The following ADGRB3 variants were observed in gnomAD, a reference collection of about 807,000 sequenced individuals.
The protein encoded by ADGRB3 is brain-specific angiogenesis inhibitor 3.
ADGRB3 carries 37 observed loss-of-function variants against 193.4 expected under a neutral mutation model. The observed-to-expected ratio is 0.19, with a 90% CI of 0.15 to 0.25. The LOEUF (loss-of-function observed/expected upper bound fraction) is 0.25, where lower values mean the gene tolerates loss of function less well. Among genes scored for constraint, ADGRB3 ranks in the 10% least tolerant of loss-of-function variants. ADGRB3 has a pLI of 1.00. For missense variants in ADGRB3, 1,637 were observed against 1,852.9 expected (o/e 0.88, Z 2.14); for synonymous variants, 690 against 644.2 (o/e 1.07, Z -1.08).
At chr6:69,076,996 G>A (rs1208211142) in intron 17 of ADGRB3, among the ~76,000 whole-genome samples, 1 of 151,748 alleles carries the variant, frequency 6.6e-6, no homozygotes, top group African/African-American at 2.4e-5. Flanking sequence ...TTGAAACCTC[G>A]GACAATTTTC....
chr6:68,783,630 G>C lies in ADGRB3; in HGVS notation c.757+144198G>C, dbSNP rs1766903396. ...ATCTGTTGGAGGGATAGTATGGGAG[G>C]GGGAATTTTCATAAGAGAAAAGCCT... On this transcript the variant is annotated intron_variant, in intron 3 of 31. Coordinates refer to ENST00000370598, the MANE Select transcript of ADGRB3 (RefSeq NM_001704.3). Among the ~76,000 whole-genome samples the C allele has an allele frequency of 2.6e-5, 4 of 151,360 alleles. 1 individual carries two copies. In the South Asian group the frequency reaches 8.4e-4, roughly 32 times the overall value.
intron 3 of ADGRB3, among the ~76,000 whole-genome samples, chr6:68,816,824 C>T (rs1767639046): frequency 6.6e-6 from 1 of 152,028 alleles, no homozygotes; most frequent in South Asian, 2.1e-4. Context: ...AATCTTTGTG[C>T]TTTTAAAATT....
chr6:69,380,632 T>A (rs576876667), intron 30 of ADGRB3, among the ~76,000 whole-genome samples: 1 of 152,108 alleles, frequency 6.6e-6, no homozygotes, highest in South Asian at 2.1e-4. Context: ...GAATTTCAAA[T>A]TAAATATGAA....
In ADGRB3 at chr6:68,826,358, G is replaced by C. The variant is rs80211247; in HGVS notation, c.758-104201G>C. ...TGAAGAAGGTGACCAGTGAAGTTGT[G>C]TGGAAGCTGGGAACAGTAAAAACAA... On this transcript the variant is annotated intron_variant, in intron 3 of 31. Coordinates refer to ENST00000370598, the MANE Select transcript of ADGRB3 (RefSeq NM_001704.3). Among the ~76,000 whole-genome samples, 43 of 152,286 alleles carry C rather than the reference G, an allele frequency of 2.8e-4. No individual in the cohort carries two copies. The East Asian group carries it at 7.9e-3, about 28-fold the overall frequency.
At position 69,355,923 on chromosome 6, in the gene ADGRB3, A is replaced by C. The variant is rs1312055103; in HGVS notation, c.3595+63A>C. ...ATGTTCAATCATTTCTATAGATTTTAATTTTAAAGAAAATGCTGTGGTTTA... is the reference window on the plus strand; with the variant it reads ...ATGTTCAATCATTTCTATAGATTTTCATTTTAAAGAAAATGCTGTGGTTTA... On this transcript the variant is annotated intron_variant, in intron 28 of 31. Transcript: ENST00000370598. The C allele has an allele frequency of 4.4e-6, 6 of 1,364,926 alleles. No homozygotes were observed. The East Asian group carries it at 1.2e-4, about 26-fold the overall frequency. The allele number at this position is 1,364,926 out of a possible 1,614,324, so 84.6% of individuals were successfully genotyped here. A position where few individuals can be genotyped will look rare whatever the true frequency, so the allele number is the denominator to read the frequency against.
chr6:69,389,496 T>A lies in ADGRB3; in HGVS notation c.*605T>A, dbSNP rs912173298. The stretch of plus-strand genomic sequence containing the variant: ...AAAATGTTGTATGGTGTAAATAAAC[T>A]TTTGTCTACATATCAGTTTTTTAGT... On this transcript the variant is annotated 3_prime_UTR_variant, in exon 32 of 32. Coordinates refer to ENST00000370598, the MANE Select transcript of ADGRB3 (RefSeq NM_001704.3). 4 of 152,612 alleles carry A rather than the reference T, an allele frequency of 2.6e-5. No individual in the cohort carries two copies. The highest frequency in any genetic ancestry group is 1.3e-4 in the Admixed American group (2 of 15,254). The allele number at this position is 152,612 out of a possible 1,614,324, so 9.5% of individuals were successfully genotyped here.
chr6:69,232,329 C>T, intron 17 of ADGRB3: 2 of 1,109,234 alleles, frequency 1.8e-6, no homozygotes, highest in Non-Finnish European at 2.4e-6. Context: ...TGGAAGGGTT[C>T]TCCCCCATCC....
At chr6:68,924,778 T>A (rs1446807215) in intron 3 of ADGRB3, among the ~76,000 whole-genome samples, 1 of 151,988 alleles carries the variant, frequency 6.6e-6, no homozygotes, top group Non-Finnish European at 1.5e-5. Context: ...TGTAGCCACA[T>A]ATCTAGCTTT....
chr6:68,723,386 G>C (rs1765617539), intron 3 of ADGRB3, among the ~76,000 whole-genome samples: 1 of 151,696 alleles, frequency 6.6e-6, no homozygotes, highest in South Asian at 2.1e-4. Flanking sequence ...ACCTCTTTAA[G>C]ATAACTTTTT....
At chr6:69,069,207 G>C (rs763137856) in intron 16 of ADGRB3, among the ~76,000 whole-genome samples, 1 of 151,976 alleles carries the variant, frequency 6.6e-6, no homozygotes, top group Non-Finnish European at 1.5e-5. Context: ...AGAACATCCA[G>C]GAGATTACTT....
intron 17 of ADGRB3, among the ~76,000 whole-genome samples, chr6:69,126,254 CA>C (rs1773848222): frequency 6.6e-6 from 1 of 151,954 alleles, no homozygotes; most frequent in Non-Finnish European, 1.5e-5. Flanking sequence ...TACATACATA[CA>C]TACATACATA....
chr6:69,056,005 A>T (rs149753454), intron 15 of ADGRB3, among the ~76,000 whole-genome samples: 72 of 151,978 alleles, frequency 4.7e-4, no homozygotes, highest in African/African-American at 1.5e-3. Context: ...TAATTTTTGT[A>T]TTTTTAATAG....
At chr6:69,355,792 G>T (rs1217934856) in intron 27 of ADGRB3, 29 bp from the exon 28 acceptor site, 1 of 1,576,010 alleles carries the variant, frequency 6.3e-7, no homozygotes, top group Admixed American at 1.7e-5. Context: ...TTAAATGATG[G>T]TTCTATGTCT....
intron 6 of ADGRB3, among the ~76,000 whole-genome samples, chr6:68,954,677 C>T (rs1167397311): frequency 1.4e-5 from 2 of 147,328 alleles, no homozygotes; most frequent in Non-Finnish European, 3.0e-5. Context: ...TTAAATCGTT[C>T]AATGGCTTTT....
intron 3 of ADGRB3, among the ~76,000 whole-genome samples, chr6:68,925,147 A>G (rs1324996902): frequency 6.6e-6 from 1 of 151,940 alleles, no homozygotes; most frequent in East Asian, 1.9e-4. Context: ...ACACTTGGCT[A>G]TATAGGTACT....
chr6:69,202,470 A>G (rs2150358288), intron 17 of ADGRB3, among the ~76,000 whole-genome samples: 1 of 151,820 alleles, frequency 6.6e-6, no homozygotes, highest in African/African-American at 2.4e-5. Flanking sequence ...AGAGAGAGAG[A>G]CGGAGAGAGA....
chr6:69,299,068 G>A (rs9354831), intron 20 of ADGRB3, among the ~76,000 whole-genome samples: 3 of 151,896 alleles, frequency 2.0e-5, no homozygotes, highest in African/African-American at 7.3e-5. Flanking sequence ...TTGGATAAAA[G>A]ACATTTTAAC....
chr6:68,646,322 C>CAA lies in ADGRB3; in HGVS notation c.757+6894_757+6895dup, dbSNP rs1208119862. Among the ~76,000 whole-genome samples, 16 of 151,344 alleles carry CAA rather than the reference C, an allele frequency of 1.1e-4. No individual in the cohort carries two copies. In the South Asian group the frequency reaches 3.3e-3, roughly 32 times the overall value. ...TGAAACCCTGTCTCTACTAAGAATA[C>CAA]AAAAATTAGCCAGGCGTGGTGGGGC... On this transcript the variant is annotated intron_variant, in intron 3 of 31. Coordinates refer to ENST00000370598, the MANE Select transcript of ADGRB3 (RefSeq NM_001704.3).
chr6:68,828,444 T>G (rs1231830749), intron 3 of ADGRB3, among the ~76,000 whole-genome samples: 1 of 152,144 alleles, frequency 6.6e-6, no homozygotes, highest in East Asian at 1.9e-4. Context: ...TCTATAGCTT[T>G]GAGAGAGCAC....
Sources: gnomAD v4.1 joint callset for allele counts (sites outside exome capture counted in the v4.1 genomes callset) on GRCh38, gnomAD v4.1.1 for gene constraint, MANE v1.5 for transcripts, NCBI Gene and HGNC (gene_info 2026-07-23, HGNC 2026-07-21) for gene names.